STK32B: variants seen among roughly 807,000 people sequenced by gnomAD.
STK32B encodes the protein serine/threonine kinase 32B.
In STK32B, 43 loss-of-function variants were observed where a neutral mutation model predicts 52.6. That is an observed-to-expected ratio of 0.82 (90% CI 0.64 to 1.05). STK32B has a LOEUF of 1.05. Ranked by LOEUF, STK32B falls within the 50% of genes least tolerant of loss-of-function variation. The probability of loss-of-function intolerance (pLI) is 0.00; values close to 1 mark genes in which losing one functional copy is unlikely to be tolerated. For missense variants in STK32B, 621 were observed against 534.6 expected, an observed-to-expected ratio of 1.16 and a Z score of -1.59; for synonymous variants, 238 against 204.3, an observed-to-expected ratio of 1.17 and a Z score of -1.41.
At chr4:5,438,747 C>T (rs115032629) in intron 6 of STK32B, among the ~76,000 whole-genome samples, 2,049 of 152,292 alleles carry the variant, frequency 0.013, 24 homozygotes, top group Middle Eastern at 0.027. Context: ...TGCTATCCCT[C>T]CTCCCTCCCC....
intron 3 of STK32B, among the ~76,000 whole-genome samples, chr4:5,189,454 T>C (rs1290243628): frequency 6.6e-6 from 1 of 152,212 alleles, no homozygotes; most frequent in Non-Finnish European, 1.5e-5. Flanking sequence ...ATATGCGTTT[T>C]AGTTTTCTGT....
At chr4:5,454,249 G>T (rs1716295264) in intron 7 of STK32B, among the ~76,000 whole-genome samples, 2 of 151,482 alleles carry the variant, frequency 1.3e-5, no homozygotes. Flanking sequence ...CATTACCTGT[G>T]ATGGCCGTAA....
At chr4:5,298,012 T>C (rs928426930) in intron 3 of STK32B, among the ~76,000 whole-genome samples, 4 of 152,218 alleles carry the variant, frequency 2.6e-5, no homozygotes, top group African/African-American at 9.6e-5. Flanking sequence ...GCTTTCTGTT[T>C]GTTAGTTTTC....
At chr4:5,077,930 G>T (rs1167764136) in intron 1 of STK32B, among the ~76,000 whole-genome samples, 2 of 152,148 alleles carry the variant, frequency 1.3e-5, no homozygotes, top group African/African-American at 4.8e-5. Flanking sequence ...TAATTAACAA[G>T]AAGTCCAGAA....
intron 1 of STK32B, among the ~76,000 whole-genome samples, chr4:5,085,339 C>A (rs1712672491): frequency 6.6e-6 from 1 of 152,188 alleles, no homozygotes; most frequent in Non-Finnish European, 1.5e-5. Context: ...TATACTCTTT[C>A]CTCTTCTTGA....
intron 3 of STK32B, among the ~76,000 whole-genome samples, chr4:5,196,240 T>A (rs553003341): frequency 1.3e-5 from 2 of 151,968 alleles, no homozygotes; most frequent in South Asian, 4.2e-4. Flanking sequence ...TCAATGACAC[T>A]GAATGCTGAG....
intron 4 of STK32B, among the ~76,000 whole-genome samples, chr4:5,343,082 T>TA (rs1408920308): frequency 6.6e-6 from 1 of 150,814 alleles, no homozygotes; most frequent in East Asian, 2.0e-4. Flanking sequence ...GTATATCTCC[T>TA]AATGCTATCC....
chr4:5,316,149 CTAAATATATATAACTAAATATAT>C (rs1730674671), intron 3 of STK32B, among the ~76,000 whole-genome samples: 1 of 72,176 alleles, frequency 1.4e-5, no homozygotes, highest in Non-Finnish European at 2.1e-5. Context: ...ATATATATAA[CTAAATATATATAACTAAATATAT>C]ATATAACTAA....
chr4:5,046,847 G>A (rs986056904), upstream of STK32B, among the ~76,000 whole-genome samples: 12 of 152,186 alleles, frequency 7.9e-5, no homozygotes, highest in Non-Finnish European at 1.6e-4. Context: ...AATAGATGCT[G>A]GTGAGGCTGT....
At chr4:5,270,885 T>G (rs1727380269) in intron 3 of STK32B, among the ~76,000 whole-genome samples, 1 of 152,168 alleles carries the variant, frequency 6.6e-6, no homozygotes, top group South Asian at 2.1e-4. Context: ...AAAATTTAAT[T>G]CTGTTTCCAT....
intron 2 of STK32B, among the ~76,000 whole-genome samples, chr4:5,145,733 A>T (rs528156665): frequency 1.3e-5 from 2 of 152,314 alleles, no homozygotes; most frequent in South Asian, 2.1e-4. Flanking sequence ...TGTGGGATAC[A>T]TATCTGGATA....
intron 1 of STK32B, among the ~76,000 whole-genome samples, chr4:5,109,710 T>C (rs530180304): frequency 6.6e-6 from 1 of 152,300 alleles, no homozygotes; most frequent in Admixed American, 6.5e-5. Context: ...ATTTTCCCTA[T>C]AATCTGGAAT....
chr4:5,117,394 A>G (rs1031474386), intron 1 of STK32B, among the ~76,000 whole-genome samples: 5 of 113,596 alleles, frequency 4.4e-5, no homozygotes, highest in African/African-American at 1.6e-4. Context: ...TTAGATGATC[A>G]TATGATTTTT....
chr4:5,487,601 A>C (rs928222045), intron 11 of STK32B, among the ~76,000 whole-genome samples: 3 of 152,232 alleles, frequency 2.0e-5, no homozygotes, highest in Admixed American at 6.5e-5. Flanking sequence ...AACTGACAAA[A>C]GAAATCACCA....
At chr4:5,176,359 C>A (rs931246380) in intron 3 of STK32B, among the ~76,000 whole-genome samples, 1 of 151,126 alleles carries the variant, frequency 6.6e-6, no homozygotes. Context: ...TACCTCAGTT[C>A]GAAATGCAGA....
At chr4:5,414,213 A>AT (rs1261399861) in intron 5 of STK32B, among the ~76,000 whole-genome samples, 1 of 151,996 alleles carries the variant, frequency 6.6e-6, no homozygotes, top group Non-Finnish European at 1.5e-5. Context: ...ATAATTTAGA[A>AT]TTTTTTTCAG....
In STK32B at chr4:5,380,603, T is replaced by C. The variant is rs1160493357; in HGVS notation, c.435-17604T>C. Among the ~76,000 whole-genome samples the C allele has an allele frequency of 1.3e-5, 2 of 152,190 alleles. No individual in the cohort carries two copies. The highest frequency in any genetic ancestry group is 2.9e-5 in the Non-Finnish European group (2 of 68,038). ...AGGAGCAGCTGGGACTGAGTACCCA[T>C]GACACGCAGATGCCTTTACCAGGGT... On this transcript the variant is annotated intron_variant, in intron 4 of 11. Transcript: ENST00000282908. The surrounding 1 kb of genome is among the most constrained non-coding windows in gnomAD (Gnocchi z 4.3).
Position 5,467,175 on chromosome 4 carries a change from T to C in STK32B, c.1041+341T>C, listed in dbSNP as rs1254323027. 6.6e-6 allele frequency among the ~76,000 whole-genome samples: 1 copy of C among 152,168 alleles called. No homozygotes were observed. Among genetic ancestry groups the C allele is most frequent in the Non-Finnish European group, 1.5e-5 (1 of 68,034 alleles). On this transcript the variant is annotated intron_variant, in intron 10 of 11. Coordinates refer to ENST00000282908, the MANE Select transcript of STK32B (RefSeq NM_018401.3). This position sits in a 1 kb window ranked among gnomAD's most constrained non-coding sequence, Gnocchi z 5.8. ...TGACTTTTGTGGGTCCTGGGCACTT[T>C]GCCTCTGTGGGCCTCTGTATTCGTT...
chr4:5,344,650 T>C (rs1733325178), intron 4 of STK32B, among the ~76,000 whole-genome samples: 1 of 152,112 alleles, frequency 6.6e-6, no homozygotes, highest in Admixed American at 6.6e-5. Flanking sequence ...ATCTGAGTTT[T>C]TTGTTTTTTC....
Sources: allele counts gnomAD v4.1 joint callset (sites outside exome capture counted in the v4.1 genomes callset), GRCh38; gene constraint gnomAD v4.1.1; non-coding constraint Gnocchi (gnomAD v3.1); transcripts MANE v1.5; gene names NCBI Gene and HGNC (gene_info 2026-07-23, HGNC 2026-07-21).